BBOF1: variants seen among roughly 807,000 people sequenced by gnomAD.
BBOF1 encodes basal body-orientation factor 1.
In BBOF1, 62 loss-of-function variants were observed where a neutral mutation model predicts 68.0. That is an observed-to-expected ratio of 0.91 (90% confidence interval 0.74 to 1.13). The LOEUF is 1.13. BBOF1 is among the 50% of genes most tolerant of loss of function. BBOF1 has a pLI of 0.00. For missense variants in BBOF1, 534 were observed against 600.1 expected (o/e 0.89, Z 1.15); for synonymous variants, 208 against 198.8 (o/e 1.05, Z -0.39).
At chr14:74,045,481 G>T (rs1283253188) in intron 5 of BBOF1, among the ~76,000 whole-genome samples, 1 of 151,836 alleles carries the variant, frequency 6.6e-6, no homozygotes, top group Non-Finnish European at 1.5e-5. Flanking sequence ...GGCTAATTTT[G>T]TATTTTTAGT....
intron 12 of BBOF1, among the ~76,000 whole-genome samples, chr14:74,081,478 A>G (rs10147775): frequency 0.019 from 2,837 of 152,312 alleles, 57 homozygotes; most frequent in African/African-American, 0.051. Flanking sequence ...TACATCTGGT[A>G]TAATAGAACA....
intron 9 of BBOF1, chr14:74,071,252 G>A (rs2060545036): frequency 6.2e-7 from 1 of 1,614,180 alleles, no homozygotes; most frequent in East Asian, 2.2e-5. Flanking sequence ...GAATCCTGGA[G>A]CAACTTAGCA....
rs1036195947 is a variant in BBOF1 at position 74,078,650 on chromosome 14, T to C, written n.1536+298T>C. ...TCAAGTGATTCTCCTGCCTCAGCTT[T>C]CTGAGTAGCTGGGATTACAGGCATG... On this transcript the variant is annotated intron_variant and non_coding_transcript_variant, in intron 10 of 12. Transcript: ENST00000492026. 6.7e-3 allele frequency among the ~76,000 whole-genome samples: 1,011 copies of C among 150,478 alleles called. 16 individuals are homozygous for C. The highest frequency in any genetic ancestry group is 0.023 in the African/African-American group (932 of 39,988).
intron 9 of BBOF1, chr14:74,075,112 TA>T: frequency 8.9e-7 from 1 of 1,118,980 alleles, no homozygotes; most frequent in Non-Finnish European, 1.3e-6. Flanking sequence ...CTATAGTATA[TA>T]GGGGGTATGT....
At chr14:74,057,622 A>AG in intron 11 of BBOF1, 1 of 1,334,012 alleles carries the variant, frequency 7.5e-7, no homozygotes, top group South Asian at 1.3e-5. Context: ...TAGAGGACAA[A>AG]GGCTTATAAG....
chr14:74,062,080 A>AG lies in BBOF1; in HGVS notation c.1579-2607dup, dbSNP rs2060357453. Among the ~76,000 whole-genome samples, 4 of 139,776 alleles carry AG rather than the reference A, an allele frequency of 2.9e-5. 1 individual carries two copies. The South Asian group carries it at 8.9e-4, about 31-fold the overall frequency. 91.7% of individuals were successfully genotyped at this position (139,776 alleles called of 152,430 possible). A position where few individuals can be genotyped will look rare whatever the true frequency, so the allele number is the denominator to read the frequency against. ...AAAAAAAAAAAAAAAAAAAAAAAAA[A>AG]GCTGGGCGTGGTGGAGCCTGAGGCA... is the stretch of plus-strand genomic sequence containing the variant. On this transcript the variant is annotated intron_variant, in intron 11 of 11. Transcript: ENST00000394009.
intron 2 of BBOF1, among the ~76,000 whole-genome samples, chr14:74,027,195 C>A (rs182991185): frequency 6.9e-6 from 1 of 145,924 alleles, no homozygotes; most frequent in Non-Finnish European, 1.5e-5. Context: ...AAAGGATTCT[C>A]CTGCCTCAGC....
rs2060427441 is a variant in BBOF1, at chr14:74,064,587, C to T, written c.1579-101C>T. 3.5e-6 allele frequency: 4 copies of T among 1,148,470 alleles called. No homozygotes were observed. The East Asian group carries it at 9.4e-5, about 27-fold the overall frequency. The allele number at this position is 1,148,470 out of a possible 1,614,324, so 71.1% of individuals were successfully genotyped here. A position where few individuals can be genotyped will look rare whatever the true frequency, so the allele number is the denominator to read the frequency against. ...ACTCAGGAAATGGCATATACAAAGG[C>T]TTAGACTTCCCCATGCTCTTTCCTC... On this transcript the variant is annotated intron_variant, in intron 11 of 11. Transcript: ENST00000394009.
At chr14:74,054,464 C>T (rs1168373514) in intron 8 of BBOF1, among the ~76,000 whole-genome samples, 1 of 151,728 alleles carries the variant, frequency 6.6e-6, no homozygotes, top group Admixed American at 6.6e-5. Context: ...CTGCAACCTC[C>T]ACCTCCCAGG....
At chr14:74,067,664 T>A, downstream of BBOF1, 2 of 1,344,214 alleles carry the variant, frequency 1.5e-6, no homozygotes, top group East Asian at 4.6e-5. Flanking sequence ...GGCTAATGCC[T>A]GTAATCCCAG....
chr14:74,071,137 T>C, intron 9 of BBOF1: 1 of 1,506,738 alleles, frequency 6.6e-7, no homozygotes, highest in Non-Finnish European at 9.2e-7. Flanking sequence ...CAACCATCAC[T>C]CAACACCTTG....
At chr14:74,042,260 C>T (rs946630919) in intron 5 of BBOF1, among the ~76,000 whole-genome samples, 1 of 152,152 alleles carries the variant, frequency 6.6e-6, no homozygotes, top group African/African-American at 2.4e-5. Context: ...GGAAATGAGG[C>T]AAGAGCAGCA....
At chr14:74,058,041 AC>A in intron 11 of BBOF1, 1 of 486,612 alleles carries the variant, frequency 2.1e-6, no homozygotes, top group Non-Finnish European at 2.7e-6. Flanking sequence ...AAATATCACT[AC>A]CAGGGCCAGG....
intron 1 of BBOF1, among the ~76,000 whole-genome samples, chr14:74,021,348 G>C (rs1030135095): frequency 2.0e-5 from 3 of 152,130 alleles, no homozygotes; most frequent in Admixed American, 6.6e-5. Context: ...ACTTTGGGAG[G>C]CTGAGCAGGG....
chr14:74,029,200 A>G lies in BBOF1; in HGVS notation c.302A>G (p.Gln101Arg). Reference sequence around the variant, plus strand: ...TTTCAACAGATTGAAAAACTGAAACAGCAATTAAATGAAACAAAGGAAAAA... The same window carrying G: ...TTTCAACAGATTGAAAAACTGAAACGGCAATTAAATGAAACAAAGGAAAAA... ...EKDNMIEKLK[Q>R]QLNETKEKAQ... Residue 101 changes from glutamine (Q) to arginine (R), a missense_variant, in exon 3 of 12, where the codon CAG becomes CGG. Gln to Arg is a conservative substitution (Grantham distance 43). Coordinates refer to ENST00000394009, the MANE Select transcript of BBOF1 (RefSeq NM_025057.3). 1 of 1,560,728 alleles carries G rather than the reference A, an allele frequency of 6.4e-7. No individual in the cohort carries two copies. The highest frequency in any genetic ancestry group is 8.7e-7 in the Non-Finnish European group (1 of 1,150,260).
chr14:74,073,176 T>C (rs1020182325), intron 9 of BBOF1, among the ~76,000 whole-genome samples: 1 of 152,024 alleles, frequency 6.6e-6, no homozygotes. Flanking sequence ...TGATCATGAC[T>C]CACTGCAGCC....
downstream of BBOF1, chr14:74,066,626 T>C (rs1226045567): frequency 4.4e-6 from 6 of 1,366,582 alleles, no homozygotes; most frequent in Admixed American, 1.0e-4. Context: ...AGTATTTTCA[T>C]TAATAAATTA....
intron 2 of BBOF1, among the ~76,000 whole-genome samples, chr14:74,024,694 G>A (rs2059385835): frequency 6.6e-6 from 1 of 152,044 alleles, no homozygotes; most frequent in South Asian, 2.1e-4. Flanking sequence ...TTGAACTCCT[G>A]AGCTCAAGTG....
intron 11 of BBOF1, chr14:74,057,532 T>C: frequency 1.5e-6 from 2 of 1,349,550 alleles, no homozygotes; most frequent in Non-Finnish European, 9.6e-7. Flanking sequence ...ATGTGTACTA[T>C]CTTTTACGTA....
Sources: gnomAD v4.1 joint callset for allele counts (sites outside exome capture counted in the v4.1 genomes callset) on GRCh38, gnomAD v4.1.1 for gene constraint, MANE v1.5 for transcripts, NCBI Gene and HGNC (gene_info 2026-07-23, HGNC 2026-07-21) for gene names.